ZMYND11: variants seen among roughly 807,000 people sequenced by gnomAD.
ZMYND11 encodes the protein zinc finger MYND domain-containing protein 11.
A neutral mutation model predicts 84.9 loss-of-function variants in ZMYND11; 9 were observed. The observed-to-expected ratio is 0.11, with a 90% CI of 0.06 to 0.18. ZMYND11 has a LOEUF of 0.18. ZMYND11 is among the 10% of genes least tolerant of loss of function. The pLI, the probability that ZMYND11 is intolerant of heterozygous loss-of-function variation, is 1.00. For missense variants in ZMYND11, 409 were observed against 761.0 expected (o/e 0.54, Z 5.44); for synonymous variants, 250 against 244.1 (o/e 1.02, Z -0.23).
At chr10:251,514 G>GA (rs1953494334) in intron 14 of ZMYND11, among the ~76,000 whole-genome samples, 1 of 152,154 alleles carries the variant, frequency 6.6e-6, no homozygotes, top group African/African-American at 2.4e-5. Context: ...CGTCAGATCT[G>GA]CATGTGTCTA....
intron 9 of ZMYND11, 25 bp downstream of exon 9, chr10:240,995 G>T (rs1373246923): frequency 6.4e-7 from 1 of 1,567,452 alleles, no homozygotes; most frequent in African/African-American, 1.4e-5. Context: ...TACCTCAAGT[G>T]TGTAACATAC....
rs529707465 is a variant in ZMYND11, at chr10:242,926, T to G, written c.950+787T>G. ...AGGTAGATACACACTTACCTGACAC[T>G]GTCATGTCAAGAAACATTAAATAAT... On this transcript the variant is annotated intron_variant, in intron 10 of 14. Coordinates refer to ENST00000381604, the MANE Select transcript of ZMYND11 (RefSeq NM_001370100.5). Among the ~76,000 whole-genome samples the G allele has an allele frequency of 2.6e-5, 4 of 152,322 alleles. No individual in the cohort carries two copies. The South Asian group carries it at 8.3e-4, about 32-fold the overall frequency.
At chr10:174,707 A>G (rs1196016367) in intron 1 of ZMYND11, among the ~76,000 whole-genome samples, 2,633 of 124,950 alleles carry the variant, frequency 0.021, 75 homozygotes, top group African/African-American at 0.075. Flanking sequence ...AAAACCCATG[A>G]GTACTACAGT....
At chr10:151,794 G>T (rs193298328) in intron 1 of ZMYND11, among the ~76,000 whole-genome samples, 21 of 152,158 alleles carry the variant, frequency 1.4e-4, no homozygotes, top group East Asian at 1.4e-3. Flanking sequence ...TGAAGGAAAA[G>T]ATGTTAAGGG....
intron 5 of ZMYND11, 60 bp from the exon 6 acceptor site, chr10:237,525 T>A (rs1489796446): frequency 5.9e-6 from 6 of 1,022,062 alleles, no homozygotes; most frequent in Admixed American, 2.4e-5. Flanking sequence ...GCTTTAGGAA[T>A]TGATGTCTTA....
intron 1 of ZMYND11, among the ~76,000 whole-genome samples, chr10:179,556 A>G (rs554176249): frequency 2.0e-5 from 3 of 152,298 alleles, no homozygotes; most frequent in African/African-American, 4.8e-5. Flanking sequence ...ATGTATGTAT[A>G]TAAAATTTGA....
chr10:185,552 G>T (rs1215582114), intron 2 of ZMYND11, among the ~76,000 whole-genome samples: 1 of 150,508 alleles, frequency 6.6e-6, no homozygotes, highest in Non-Finnish European at 1.5e-5. Flanking sequence ...AGTGGCTTGT[G>T]CCTATAATCC....
chr10:225,430 AG>A (rs1947951787), intron 4 of ZMYND11, among the ~76,000 whole-genome samples: 1 of 152,130 alleles, frequency 6.6e-6, no homozygotes, highest in Non-Finnish European at 1.5e-5. Context: ...GGCTCACTGC[AG>A]CCTCAACCTC....
intron 2 of ZMYND11, among the ~76,000 whole-genome samples, chr10:185,177 TC>T (rs1937858585): frequency 6.6e-6 from 1 of 152,116 alleles, no homozygotes; most frequent in Admixed American, 6.5e-5. Flanking sequence ...TACTGTGCTT[TC>T]CAGCGAGTCT....
intron 5 of ZMYND11, 131 bp from the exon 6 acceptor site, chr10:237,454 G>A (rs183934803): frequency 5.1e-5 from 27 of 524,516 alleles, no homozygotes; most frequent in African/African-American, 4.5e-4. Context: ...ACCAGCCTGG[G>A]CAAGATGGCA....
chr10:176,388 A>G (rs1846628079), intron 1 of ZMYND11, among the ~76,000 whole-genome samples: 2 of 152,134 alleles, frequency 1.3e-5, no homozygotes, highest in South Asian at 2.1e-4. Context: ...GACTGTATTA[A>G]TGATCTCTAC....
At chr10:209,572 CTAAA>C (rs976793405) in intron 2 of ZMYND11, among the ~76,000 whole-genome samples, 1 of 152,158 alleles carries the variant, frequency 6.6e-6, no homozygotes, top group Admixed American at 6.6e-5. Context: ...GAGGCTAAAA[CTAAA>C]TGGGATGTTT....
intron 1 of ZMYND11, among the ~76,000 whole-genome samples, chr10:145,320 C>A (rs138506701): frequency 2.6e-5 from 4 of 151,210 alleles, no homozygotes; most frequent in Non-Finnish European, 5.9e-5. Context: ...AGGTTGGTTC[C>A]GTATCTTTGC....
intron 2 of ZMYND11, among the ~76,000 whole-genome samples, chr10:189,828 A>G (rs1202551958): frequency 1.3e-5 from 2 of 152,210 alleles, no homozygotes; most frequent in Non-Finnish European, 2.9e-5. Context: ...AGTTTACAAC[A>G]CTATAGACCT....
intron 1 of ZMYND11, among the ~76,000 whole-genome samples, chr10:143,874 C>T (rs1838053348): frequency 6.6e-6 from 1 of 151,982 alleles, no homozygotes; most frequent in African/African-American, 2.4e-5. Flanking sequence ...TCAGGTAGCT[C>T]ACGCCTGTCA....
chr10:152,240 T>C (rs1840556249), intron 1 of ZMYND11, among the ~76,000 whole-genome samples: 1 of 152,198 alleles, frequency 6.6e-6, no homozygotes, highest in African/African-American at 2.4e-5. Flanking sequence ...GTAAATGGGC[T>C]AAATGCTCCA....
chr10:145,161 T>G (rs926348256), intron 1 of ZMYND11, among the ~76,000 whole-genome samples: 1 of 151,208 alleles, frequency 6.6e-6, no homozygotes, highest in Non-Finnish European at 1.5e-5. Flanking sequence ...TATATATGTG[T>G]GTGTATATAT....
intron 2 of ZMYND11, 31 bp from the exon 3 acceptor site, chr10:209,858 A>G (rs769186743): frequency 6.3e-7 from 1 of 1,575,324 alleles, no homozygotes; most frequent in Non-Finnish European, 8.6e-7. Context: ...GTACTGAAAG[A>G]TTTTTAAATT....
At chr10:247,617 T>G (rs1169746307) in intron 12 of ZMYND11, 151 bp downstream of exon 12, 2 of 825,458 alleles carry the variant, frequency 2.4e-6, no homozygotes, top group East Asian at 5.3e-5. Flanking sequence ...TCCATCAAGT[T>G]GAAACCAGTC....
Sources: allele counts gnomAD v4.1 joint callset (sites outside exome capture counted in the v4.1 genomes callset), GRCh38; gene constraint gnomAD v4.1.1; transcripts MANE v1.5; gene names NCBI Gene and HGNC (gene_info 2026-07-23, HGNC 2026-07-21).